The following ZNF585A variants were observed in gnomAD, a reference collection of about 807,000 sequenced individuals.
The protein encoded by ZNF585A is zinc finger protein 585A.
A neutral mutation model predicts 14.9 loss-of-function variants in ZNF585A; 9 were observed. The observed-to-expected ratio is 0.60, with a 90% confidence interval of 0.36 to 1.05. The LOEUF (loss-of-function observed/expected upper bound fraction) is 1.05. Among genes scored for constraint, ZNF585A ranks in the 50% least tolerant of loss-of-function variants. ZNF585A has a pLI of 0.01. For missense variants in ZNF585A, 726 were observed against 926.4 expected (o/e 0.78, Z 2.81); for synonymous variants, 276 against 319.9 (o/e 0.86, Z 1.46).
chr19:37,171,800 G>T (rs564839663), intron 1 of ZNF585A, among the ~76,000 whole-genome samples: 5 of 152,192 alleles, frequency 3.3e-5, no homozygotes, highest in Non-Finnish European at 7.3e-5. Context: ...CTACTCTGGA[G>T]GCTGAGGCAG....
Position 37,166,742 on chromosome 19 carries a change from C to CT in ZNF585A, c.72+3096dup, listed in dbSNP as rs755881090. ...TTTCTGTCAAACTCATACCTTAGGT[C>CT]TTTTTTTTTTTTAAACGTCCAGGAT... On this transcript the variant is annotated intron_variant, in intron 2 of 4. Transcript: ENST00000292841. 1.2e-4 allele frequency among the ~76,000 whole-genome samples: 18 copies of CT among 145,494 alleles called. No individual in the cohort carries two copies. The South Asian group carries it at 1.3e-3, about 11-fold the overall frequency.
chr19:37,149,127 C>G lies in ZNF585A; in HGVS notation c.*2462G>C, dbSNP rs1971783411. 6.6e-6 allele frequency: 1 copy of G among 152,092 alleles called. No homozygotes were observed. Among genetic ancestry groups the G allele is most frequent in the South Asian group, 2.1e-4 (1 of 4,826 alleles). 9.4% of individuals were successfully genotyped at this position (152,092 alleles called of 1,614,324 possible). A position where few individuals can be genotyped will look rare whatever the true frequency, so the allele number is the denominator to read the frequency against. On this transcript the variant is annotated 3_prime_UTR_variant, in exon 5 of 5. Coordinates refer to ENST00000292841, the MANE Select transcript of ZNF585A (RefSeq NM_001288800.2). ...CAAGACACATTCTATGGTGTTACAC[C>G]AAGGATGAACCCTAATATAACCTAT...
At chr19:37,155,810 C>T in intron 4 of ZNF585A, 55 bp downstream of exon 4, 1 of 1,582,912 alleles carries the variant, frequency 6.3e-7, no homozygotes. Flanking sequence ...TTTCTCAAGA[C>T]AGCTGAGATT....
chr19:37,169,273 A>T (rs1972143818), intron 2 of ZNF585A, among the ~76,000 whole-genome samples: 1 of 152,114 alleles, frequency 6.6e-6, no homozygotes, highest in African/African-American at 2.4e-5. Flanking sequence ...ACAGTTATTA[A>T]AAATTAAAAC....
In ZNF585A at chr19:37,166,159, C is replaced by T. The variant is rs117751085; in HGVS notation, c.72+3680G>A. 6.3e-3 allele frequency among the ~76,000 whole-genome samples: 956 copies of T among 151,482 alleles called. 28 individuals are homozygous for T. Among genetic ancestry groups the T allele is most frequent in the East Asian group, 0.053 (271 of 5,128 alleles). On this transcript the variant is annotated intron_variant, in intron 2 of 4. Coordinates refer to ENST00000292841, the MANE Select transcript of ZNF585A (RefSeq NM_001288800.2). Reference sequence around the variant, plus strand: ...CTCCCAAGTACCTGGGATTACAGACCTGCACTGTGGCACCCTGCCAATTTT... The same window carrying T: ...CTCCCAAGTACCTGGGATTACAGACTTGCACTGTGGCACCCTGCCAATTTT...
rs148806803 is a variant in ZNF585A at position 37,152,466 on chromosome 19, C to A, written c.1433G>T (p.Arg478Leu). 16 of 1,613,818 alleles carry A rather than the reference C, an allele frequency of 9.9e-6. No homozygotes were observed. In the African/African-American group the frequency reaches 2.1e-4, roughly 22 times the overall value. ...TTTCTGATGTGTAATGAGATTTGACCGGTTGGTGAATGCCTTCCCACATTT... is the reference window on the plus strand; with the variant it reads ...TTTCTGATGTGTAATGAGATTTGACAGGTTGGTGAATGCCTTCCCACATTT... ...CNKCGKAFTN[R>L]SNLITHQKTH... The change falls in exon 5 of 5, where the codon CGG becomes CTG. Residue 478 changes from arginine to leucine, a missense_variant. Physicochemically the swap from Arg to Leu is moderately radical, Grantham distance 102. Transcript: ENST00000292841.
intron 2 of ZNF585A, among the ~76,000 whole-genome samples, chr19:37,157,354 G>A (rs1301205640): frequency 6.6e-6 from 1 of 152,136 alleles, no homozygotes; most frequent in Non-Finnish European, 1.5e-5. Context: ...TTTAGGACGA[G>A]CCCTTATGCT....
In ZNF585A at chr19:37,170,032, G is replaced by A; in HGVS notation, c.-122C>T. 3 of 1,176,546 alleles carry A rather than the reference G, an allele frequency of 2.5e-6. No homozygotes were observed. Among genetic ancestry groups the A allele is most frequent in the South Asian group, 1.4e-5 (1 of 69,592 alleles). The allele number at this position is 1,176,546 out of a possible 1,614,324, so 72.9% of individuals were successfully genotyped here. A position where few individuals can be genotyped will look rare whatever the true frequency, so the allele number is the denominator to read the frequency against. ...GTCTAGAGGAAAATCTGGCCCAGGG[G>A]CTCCCCAGAGACACCCAGAAACCTG... On this transcript the variant is annotated 5_prime_UTR_variant, in exon 2 of 5. Transcript: ENST00000292841.
At chr19:37,156,921 A>C (rs1971940740) in intron 2 of ZNF585A, among the ~76,000 whole-genome samples, 1 of 152,144 alleles carries the variant, frequency 6.6e-6, no homozygotes, top group Non-Finnish European at 1.5e-5. Flanking sequence ...TGAACTGCTG[A>C]CCTCAGGTGA....
Position 37,152,526 on chromosome 19 carries a change from C to G in ZNF585A, c.1373G>C (p.Arg458Pro), listed in dbSNP as rs374536603. ...TSKSQLHVHK[R>P]IHTGEKPYMC... ...ATAGGGCTTTTCTCCTGTGTGAATT[C>G]GTTTATGAACATGGAGTTGCGACTT... The change falls in exon 5 of 5, where the codon CGA (arginine) becomes CCA (proline). Residue 458 changes from arginine to proline, a missense_variant. Coordinates refer to ENST00000292841, the MANE Select transcript of ZNF585A (RefSeq NM_001288800.2). 1.9e-6 allele frequency: 3 copies of G among 1,614,078 alleles called. No individual in the cohort carries two copies. Among genetic ancestry groups the G allele is most frequent in the Non-Finnish European group, 2.5e-6 (3 of 1,180,020 alleles).
chr19:37,154,616 T>A (rs961532275), intron 4 of ZNF585A, among the ~76,000 whole-genome samples: 8 of 151,512 alleles, frequency 5.3e-5, no homozygotes, highest in South Asian at 4.2e-4. Flanking sequence ...GGAAGGGTGA[T>A]TAATTATGTT....
chr19:37,164,031 A>G (rs184622672), intron 2 of ZNF585A, among the ~76,000 whole-genome samples: 140 of 152,314 alleles, frequency 9.2e-4, no homozygotes, highest in Non-Finnish European at 1.3e-3. Context: ...AGGGGAAAAA[A>G]TATTAAACAA....
chr19:37,160,813 G>A (rs947325861), intron 2 of ZNF585A, among the ~76,000 whole-genome samples: 7 of 151,966 alleles, frequency 4.6e-5, no homozygotes, highest in South Asian at 2.1e-4. Flanking sequence ...AAAAGCTCCC[G>A]AAAAAGAAAC....
chr19:37,165,761 C>T (rs1292056764), intron 2 of ZNF585A: 2 of 568,900 alleles, frequency 3.5e-6, no homozygotes, highest in Non-Finnish European at 4.4e-6. Context: ...TTATTCTTTA[C>T]CCAAAACTTC....
intron 2 of ZNF585A, among the ~76,000 whole-genome samples, chr19:37,169,124 G>A (rs533021421): frequency 2.0e-5 from 3 of 151,600 alleles, no homozygotes; most frequent in South Asian, 2.1e-4. Context: ...ATTTTTGAAC[G>A]AAGTGTATAT....
In ZNF585A at chr19:37,153,024, TG is replaced by T; in HGVS notation, c.874del (p.His292IlefsTer32). The part of the protein sequence containing the change: ...KTHLIAHRRI[H>X]TGEKPYECSN... ...GCACTCATATGGTTTTTCTCCAGTA[TG>T]AATTCTTCGGTGTGCAATCAAATGG... On this transcript the variant is annotated frameshift_variant, in exon 5 of 5. Coordinates refer to ENST00000292841, the MANE Select transcript of ZNF585A (RefSeq NM_001288800.2). LOFTEE classifies it low-confidence loss of function (END_TRUNC). The T allele has an allele frequency of 6.2e-7, 1 of 1,614,238 alleles. No homozygotes were observed. Among genetic ancestry groups the T allele is most frequent in the East Asian group, 2.2e-5 (1 of 44,884 alleles).
Position 37,152,546 on chromosome 19 carries a change from C to A in ZNF585A, c.1353G>T (p.Ser451=), listed in dbSNP as rs1717066. The A allele has an allele frequency of 1.4e-5, 23 of 1,613,766 alleles. 1 individual carries two copies. In the South Asian group the frequency reaches 2.5e-4, roughly 18 times the overall value. Residue 451 remains serine, a synonymous_variant, in exon 5 of 5, where the codon TCG becomes TCT. Transcript: ENST00000292841. ...GHCGKLFTSK[S]QLHVHKRIHT... The stretch of plus-strand genomic sequence containing the variant: ...GAATTCGTTTATGAACATGGAGTTG[C>A]GACTTGGAGGTAAACAATTTCCCAC...
chr19:37,167,987 G>A (rs968966958), intron 2 of ZNF585A, among the ~76,000 whole-genome samples: 2 of 152,134 alleles, frequency 1.3e-5, no homozygotes, highest in African/African-American at 4.8e-5. Context: ...GATGGCAAAG[G>A]TTTCTATTCT....
chr19:37,169,780 G>C, intron 2 of ZNF585A, 59 bp downstream of exon 2: 1 of 1,595,172 alleles, frequency 6.3e-7, no homozygotes, highest in South Asian at 1.1e-5. Flanking sequence ...TCTAGTGACA[G>C]ACCAGAGATA....
Sources: gnomAD v4.1 joint callset for allele counts (sites outside exome capture counted in the v4.1 genomes callset) on GRCh38, gnomAD v4.1.1 for gene constraint, MANE v1.5 for transcripts, NCBI Gene and HGNC (gene_info 2026-07-23, HGNC 2026-07-21) for gene names.